Variants in PKIA observed in about 807,000 individuals in gnomAD.
PKIA encodes the protein cAMP-dependent protein kinase inhibitor alpha, also known as PKI-alpha.
Under a neutral mutation model 7.6 loss-of-function variants are expected in PKIA, and 4 were observed. The observed-to-expected ratio is 0.52, with a 90% confidence interval of 0.26 to 1.20. The LOEUF (loss-of-function observed/expected upper bound fraction) is 1.20. Ranked by LOEUF, PKIA falls within the 50% of genes most tolerant of loss-of-function variation. The probability of loss-of-function intolerance (pLI) is 0.13; values close to 1 mark genes in which losing one functional copy is unlikely to be tolerated. For synonymous variants in PKIA, 21 were observed against 30.7 expected, an observed-to-expected ratio of 0.68 and a Z score of 1.04; for missense variants, 73 against 86.2, an observed-to-expected ratio of 0.85 and a Z score of 0.61.
intron 2 of PKIA, among the ~76,000 whole-genome samples, chr8:78,597,145 G>T (rs1483487707): frequency 1.3e-5 from 2 of 151,858 alleles, no homozygotes; most frequent in East Asian, 3.9e-4. Flanking sequence ...TTTTGCTTAG[G>T]GTTGCTTTGG....
intron 1 of PKIA, among the ~76,000 whole-genome samples, chr8:78,570,283 A>G (rs1807514332): frequency 6.6e-6 from 1 of 152,182 alleles, no homozygotes. Context: ...AAGTCTGAAA[A>G]GCAGATAGAG....
At chr8:78,566,979 T>C (rs879601722) in intron 1 of PKIA, among the ~76,000 whole-genome samples, 3 of 152,168 alleles carry the variant, frequency 2.0e-5, no homozygotes, top group Admixed American at 6.6e-5. Context: ...TATTTAGTTT[T>C]TTTCTTCAAC....
rs796987891 is a variant in PKIA at position 78,528,799 on chromosome 8, T to TA, written c.-157+12343dup. The stretch of plus-strand genomic sequence containing the variant: ...TGGTACTGTAGCGAGACCTCGTCTA[T>TA]AAAAAAAAAAAATTCCTTCTGGATC... On this transcript the variant is annotated intron_variant, in intron 1 of 3. Coordinates refer to ENST00000396418, the MANE Select transcript of PKIA (RefSeq NM_006823.4). Among the ~76,000 whole-genome samples, 344 of 146,138 alleles carry TA rather than the reference T, an allele frequency of 2.4e-3. 3 individuals are homozygous for TA. The highest frequency in any genetic ancestry group is 0.011 in the Middle Eastern group (3 of 282).
In PKIA at chr8:78,594,089, GAAGTAA is replaced by G. The variant is rs1293633062; in HGVS notation, c.-27-4268_-27-4263del. ...AAATGCAGTAATCTATTGAGAAGGA[GAAGTAA>G]CTATAGCTCTAGTTAGAATTAAGTG... On this transcript the variant is annotated intron_variant, in intron 2 of 3. Coordinates refer to ENST00000396418, the MANE Select transcript of PKIA (RefSeq NM_006823.4). Among the ~76,000 whole-genome samples, 17 of 152,294 alleles carry G rather than the reference GAAGTAA, an allele frequency of 1.1e-4. No individual in the cohort carries two copies. In the South Asian group the frequency reaches 3.5e-3, roughly 32 times the overall value.
At chr8:78,583,821 T>A (rs1807879575) in intron 2 of PKIA, among the ~76,000 whole-genome samples, 1 of 152,206 alleles carries the variant, frequency 6.6e-6, no homozygotes, top group Middle Eastern at 3.4e-3. Context: ...ACGGTAAGTT[T>A]GTGGGAGTCA....
chr8:78,600,030 A>G (rs369215440), intron 3 of PKIA, among the ~76,000 whole-genome samples: 1 of 150,842 alleles, frequency 6.6e-6, no homozygotes, highest in East Asian at 1.9e-4. Context: ...TAAATAATTT[A>G]AAATAATTTA....
Position 78,524,033 on chromosome 8 carries a change from C to T in PKIA, c.-157+7565C>T, listed in dbSNP as rs1212162032. Among the ~76,000 whole-genome samples the T allele has an allele frequency of 4.7e-4, 40 of 84,280 alleles. 1 individual carries two copies. Among genetic ancestry groups the T allele is most frequent in the Non-Finnish European group, 7.0e-4 (31 of 44,488 alleles). The allele number at this position is 84,280 out of a possible 152,430, so 55.3% of individuals were successfully genotyped here. A position where few individuals can be genotyped will look rare whatever the true frequency, so the allele number is the denominator to read the frequency against. On this transcript the variant is annotated intron_variant, in intron 1 of 3. Coordinates refer to ENST00000396418, the MANE Select transcript of PKIA (RefSeq NM_006823.4). Reference sequence around the variant, plus strand: ...AAATATATATAAACGTTTATATAAACGTTTATATATATAAATATATATAAA... The same window carrying T: ...AAATATATATAAACGTTTATATAAATGTTTATATATATAAATATATATAAA...
chr8:78,567,004 G>A (rs1303864602), intron 1 of PKIA, among the ~76,000 whole-genome samples: 1 of 151,930 alleles, frequency 6.6e-6, no homozygotes, highest in African/African-American at 2.4e-5. Flanking sequence ...ATATCAGTAA[G>A]GTAAAGCAAA....
chr8:78,536,536 G>T (rs956196207), intron 1 of PKIA, among the ~76,000 whole-genome samples: 5 of 151,922 alleles, frequency 3.3e-5, no homozygotes, highest in African/African-American at 4.8e-5. Context: ...AGTCTAAAAA[G>T]GTGCAAATAC....
intron 1 of PKIA, among the ~76,000 whole-genome samples, chr8:78,548,807 T>C (rs952717313): frequency 2.0e-5 from 3 of 152,046 alleles, no homozygotes; most frequent in Admixed American, 1.3e-4. Flanking sequence ...ATGCAGGGGA[T>C]ATAGTTCCCA....
chr8:78,552,329 T>TAAAA (rs34033112), intron 1 of PKIA, among the ~76,000 whole-genome samples: 23 of 137,188 alleles, frequency 1.7e-4, no homozygotes, highest in African/African-American at 6.1e-4. Context: ...ACCATTTTCT[T>TAAAA]AAAAAAAAAA....
At chr8:78,552,737 C>G (rs1239103969) in intron 1 of PKIA, among the ~76,000 whole-genome samples, 1 of 151,930 alleles carries the variant, frequency 6.6e-6, no homozygotes, top group African/African-American at 2.4e-5. Flanking sequence ...GACTTGTTCT[C>G]TAAGCATTAT....
chr8:78,550,394 A>C (rs775875118), intron 1 of PKIA, among the ~76,000 whole-genome samples: 1 of 152,152 alleles, frequency 6.6e-6, no homozygotes, highest in Non-Finnish European at 1.5e-5. Context: ...TTACAGCTCA[A>C]AGAGTCAGAG....
At chr8:78,581,253 T>C (rs1807800597) in intron 2 of PKIA, among the ~76,000 whole-genome samples, 1 of 152,068 alleles carries the variant, frequency 6.6e-6, no homozygotes, top group African/African-American at 2.4e-5. Flanking sequence ...CCTGGGCAAA[T>C]CTCGAACAAT....
At chr8:78,558,670 T>C (rs1807210786) in intron 1 of PKIA, among the ~76,000 whole-genome samples, 1 of 148,010 alleles carries the variant, frequency 6.8e-6, no homozygotes. Context: ...TTCTGGGAGA[T>C]ACAATTTAAG....
At chr8:78,567,453 C>T (rs1490569308) in intron 1 of PKIA, among the ~76,000 whole-genome samples, 1 of 152,090 alleles carries the variant, frequency 6.6e-6, no homozygotes, top group African/African-American at 2.4e-5. Flanking sequence ...TGCCCCACTG[C>T]TAAAATGTGT....
chr8:78,602,714 T>TATATATATATATA lies in PKIA; in HGVS notation c.*893_*894insATATATATATATA, dbSNP rs1563597495. The TATATATATATATA allele has an allele frequency of 2.0e-5, 3 of 147,978 alleles. No homozygotes were observed. Among genetic ancestry groups the TATATATATATATA allele is most frequent in the Admixed American group, 6.7e-5 (1 of 14,860 alleles). 9.2% of individuals were successfully genotyped at this position (147,978 alleles called of 1,614,324 possible). A position where few individuals can be genotyped will look rare whatever the true frequency, so the allele number is the denominator to read the frequency against. On this transcript the variant is annotated 3_prime_UTR_variant, in exon 4 of 4. Transcript: ENST00000396418. ...CACATAATATATATATATATATATATTTTAATTTATGAGAATTTTGGACAA... is the reference window on the plus strand; with the variant it reads ...CACATAATATATATATATATATATATATATATATATATATTTAATTTATGAGAATTTTGGACAA...
At chr8:78,591,075 G>A (rs983391390) in intron 2 of PKIA, among the ~76,000 whole-genome samples, 6 of 152,316 alleles carry the variant, frequency 3.9e-5, no homozygotes, top group South Asian at 4.1e-4. Context: ...AGTCTTCAGC[G>A]CATGCTGATG....
chr8:78,534,005 TAC>T (rs1349474373), intron 1 of PKIA: 3 of 152,160 alleles, frequency 2.0e-5, no homozygotes, highest in African/African-American at 7.2e-5. Flanking sequence ...GCTGAACTTT[TAC>T]TTAAAACAAG....
Sources: gnomAD v4.1 joint callset for allele counts (sites outside exome capture counted in the v4.1 genomes callset) on GRCh38, gnomAD v4.1.1 for gene constraint, MANE v1.5 for transcripts, NCBI Gene and HGNC (gene_info 2026-07-23, HGNC 2026-07-21) for gene names.